Variants in ZNF638 observed in about 807,000 individuals in gnomAD.
ZNF638 encodes CTCL tumor antigen se33-1.
In ZNF638, 46 loss-of-function variants were observed where a neutral mutation model predicts 195.6. The observed-to-expected ratio is 0.24, with a 90% CI of 0.19 to 0.30. The LOEUF (loss-of-function observed/expected upper bound fraction) is 0.30. Among genes scored for constraint, ZNF638 ranks in the 10% least tolerant of loss-of-function variants. ZNF638 has a pLI of 1.00. For synonymous variants in ZNF638, 845 were observed against 772.0 expected (o/e 1.09, Z -1.57); for missense variants, 2,440 against 2,325.3 (o/e 1.05, Z -1.01).
At chr2:71,332,140 C>T (rs891922847) in intron 1 of ZNF638, among the ~76,000 whole-genome samples, 4 of 152,220 alleles carry the variant, frequency 2.6e-5, no homozygotes, top group Non-Finnish European at 5.9e-5. Context: ...CGTGAAGGAC[C>T]CTGCCTCGAG....
chr2:71,353,234 C>A (rs868072032), intron 2 of ZNF638, among the ~76,000 whole-genome samples: 1 of 152,110 alleles, frequency 6.6e-6, no homozygotes, highest in Non-Finnish European at 1.5e-5. Context: ...ACTTTGAGAA[C>A]GTGAAATGTA....
At chr2:71,390,616 TGGAA>T (rs2079753264) in intron 10 of ZNF638, among the ~76,000 whole-genome samples, 2 of 152,310 alleles carry the variant, frequency 1.3e-5, no homozygotes, top group East Asian at 3.9e-4. Context: ...AGGGAAGTTT[TGGAA>T]GCACGGGAGC....
chr2:71,349,776 C>T lies in ZNF638; in HGVS notation c.822C>T (p.Phe274=). 1 of 1,614,170 alleles carries T rather than the reference C, an allele frequency of 6.2e-7. No homozygotes were observed. Among genetic ancestry groups the T allele is most frequent in the Non-Finnish European group, 8.5e-7 (1 of 1,180,034 alleles). ...PVEDVFRQMD[F]PGESSNNRSF... The stretch of plus-strand genomic sequence containing the variant: ...AAGACGTATTTCGCCAAATGGACTT[C>T]CCCGGTGAGTCCTCCAATAATCGGT... The change falls in exon 2 of 28, where the codon TTC becomes TTT. Residue 274 remains phenylalanine (F), a synonymous_variant. Transcript: ENST00000264447.
At chr2:71,419,974 C>CCT (rs1189202093) in intron 21 of ZNF638, among the ~76,000 whole-genome samples, 42 of 27,014 alleles carry the variant, frequency 1.6e-3, no homozygotes, top group South Asian at 3.1e-3. Flanking sequence ...CCCCCCCCGC[C>CCT]TTTTTTTTTT....
intron 3 of ZNF638, among the ~76,000 whole-genome samples, chr2:71,358,787 C>T (rs963559607): frequency 7.2e-5 from 11 of 152,140 alleles, no homozygotes; most frequent in African/African-American, 2.4e-4. Flanking sequence ...AGGACTCTTT[C>T]CTATCGGTGC....
At position 71,363,153 on chromosome 2, in the gene ZNF638, G is replaced by T. The variant is rs1573050890; in HGVS notation, c.1380G>T (p.Gln460His). ...HIESCRQLRQ[Q>H]YPDWNPEILP... ...TTAATATTGTTTATTTTCAAAATAG[G>T]TATCCTGATTGGAATCCTGAGATCC... The change falls in exon 4 of 28, where the codon CAG becomes CAT. Residue 460 changes from glutamine to histidine, a missense_variant and splice_region_variant. Physicochemically the swap from Gln to His is conservative, Grantham distance 24. Around this residue, in one of 5 missense-constraint regions of ZNF638, gnomAD observed 37 missense variants for 75.7 expected, o/e 0.49. Coordinates refer to ENST00000264447, the MANE Select transcript of ZNF638 (RefSeq NM_014497.5). The T allele has an allele frequency of 1.3e-6, 2 of 1,594,132 alleles. No individual in the cohort carries two copies. Among genetic ancestry groups the T allele is most frequent in the Non-Finnish European group, 1.7e-6 (2 of 1,167,364 alleles).
chr2:71,338,165 AC>A lies in ZNF638; in HGVS notation c.-203+6291del, dbSNP rs558117687. Among the ~76,000 whole-genome samples the A allele has an allele frequency of 8.5e-5, 13 of 152,216 alleles. No homozygotes were observed. In the South Asian group the frequency reaches 2.7e-3, roughly 32 times the overall value. ...CCCCCTGGAATTAATCTCTGGAGAG[AC>A]GTTTTAAGACCATGCAAATATCCTG... On this transcript the variant is annotated intron_variant, in intron 1 of 27. Coordinates refer to ENST00000264447, the MANE Select transcript of ZNF638 (RefSeq NM_014497.5).
chr2:71,346,300 A>G (rs956721366), intron 1 of ZNF638, among the ~76,000 whole-genome samples: 5 of 152,214 alleles, frequency 3.3e-5, no homozygotes, highest in African/African-American at 1.2e-4. Flanking sequence ...GGGTGAAGAC[A>G]GTTGTTTTTG....
chr2:71,367,152 A>G (rs1479128036), intron 6 of ZNF638, among the ~76,000 whole-genome samples: 2 of 152,210 alleles, frequency 1.3e-5, no homozygotes, highest in African/African-American at 4.8e-5. Flanking sequence ...GAGTATAGGG[A>G]AAATTTTGAA....
chr2:71,375,598 C>T (rs937915783), intron 8 of ZNF638: 3 of 151,980 alleles, frequency 2.0e-5, no homozygotes, highest in African/African-American at 7.2e-5. Flanking sequence ...GTTGCAGAGG[C>T]AGTTAAGGAG....
At chr2:71,422,322 T>C (rs2080449549) in intron 21 of ZNF638, among the ~76,000 whole-genome samples, 1 of 152,156 alleles carries the variant, frequency 6.6e-6, no homozygotes, top group Non-Finnish European at 1.5e-5. Flanking sequence ...AAAGGTGATA[T>C]GATTTAGAGT....
intron 19 of ZNF638, chr2:71,407,420 C>T (rs2080127690): frequency 1.3e-5 from 2 of 152,190 alleles, no homozygotes; most frequent in African/African-American, 4.8e-5. Flanking sequence ...ATTGTTTTCT[C>T]TTGTTTCCTT....
intron 10 of ZNF638, chr2:71,388,341 A>G: frequency 3.9e-6 from 2 of 519,310 alleles, no homozygotes; most frequent in Non-Finnish European, 3.5e-6. Context: ...ACCTTTGATC[A>G]TCTGACCTTT....
At chr2:71,424,809 T>A (rs12613800) in intron 23 of ZNF638, 94 bp downstream of exon 23, 448,994 of 966,630 alleles carry the variant, frequency 0.46, 110,804 homozygotes, top group African/African-American at 0.78. Flanking sequence ...ACAATGTTAG[T>A]GACTAAGAGT....
At chr2:71,410,378 T>TGTGTGTG (rs1553484356) in intron 20 of ZNF638, among the ~76,000 whole-genome samples, 3 of 151,184 alleles carry the variant, frequency 2.0e-5, no homozygotes, top group Admixed American at 6.6e-5. Flanking sequence ...GATTTTTTTT[T>TGTGTGTG]TGTGTGTGTG....
At chr2:71,408,699 A>G (rs559649993) in intron 20 of ZNF638, 41 of 442,510 alleles carry the variant, frequency 9.3e-5, no homozygotes, top group Admixed American at 2.9e-4. Flanking sequence ...TAGGAAAGCT[A>G]TGGATAGTCC....
intron 1 of ZNF638, among the ~76,000 whole-genome samples, chr2:71,345,416 A>G (rs1182616599): frequency 6.6e-6 from 1 of 152,126 alleles, no homozygotes; most frequent in East Asian, 1.9e-4. Context: ...ATTTTTTGAG[A>G]CAGTGTCTGC....
At chr2:71,412,868 T>A (rs1458717859) in intron 20 of ZNF638, among the ~76,000 whole-genome samples, 4 of 136,658 alleles carry the variant, frequency 2.9e-5, no homozygotes, top group Non-Finnish European at 4.7e-5. Context: ...CATGCTGTTT[T>A]GGTTACTGTA....
chr2:71,417,456 A>G (rs6546691), intron 20 of ZNF638, among the ~76,000 whole-genome samples: 90,949 of 141,294 alleles, frequency 0.64, 25,882 homozygotes, highest in Middle Eastern at 0.71. Context: ...TCACGCTGGG[A>G]GCTGTAGACC....
Sources: gnomAD v4.1 joint callset for allele counts (sites outside exome capture counted in the v4.1 genomes callset) on GRCh38, gnomAD v4.1.1 for gene constraint, gnomAD v4.1.1 regional missense constraint, MANE v1.5 for transcripts, NCBI Gene and HGNC (gene_info 2026-07-23, HGNC 2026-07-21) for gene names.